The following AFF3 variants were observed in gnomAD, a reference collection of about 807,000 sequenced individuals.
AFF3 encodes the protein AF4/FMR2 family member 3.
Under a neutral mutation model 129.7 loss-of-function variants are expected in AFF3, and 32 were observed. That is an observed-to-expected ratio of 0.25 (90% CI 0.19 to 0.33). The LOEUF (loss-of-function observed/expected upper bound fraction) is 0.33, where lower values mean the gene tolerates loss of function less well. Among genes scored for constraint, AFF3 ranks in the 10% least tolerant of loss-of-function variants. The probability of loss-of-function intolerance (pLI) is 1.00; values close to 1 mark genes in which losing one functional copy is unlikely to be tolerated. For missense variants in AFF3, 1,373 were observed against 1,592.0 expected (o/e 0.86, Z 2.34); for synonymous variants, 644 against 635.4 (o/e 1.01, Z -0.20).
At chr2:99,743,800 GT>G (rs956653459) in intron 10 of AFF3, among the ~76,000 whole-genome samples, 5 of 151,986 alleles carry the variant, frequency 3.3e-5, no homozygotes, top group Non-Finnish European at 5.9e-5. Context: ...TGCCTTTTAA[GT>G]TTTTTTCTCC....
At chr2:99,966,328 T>C (rs1440803923) in intron 7 of AFF3, among the ~76,000 whole-genome samples, 1 of 152,154 alleles carries the variant, frequency 6.6e-6, no homozygotes, top group Non-Finnish European at 1.5e-5. Context: ...AAAGGGTCAT[T>C]TGTTATTCAT....
At chr2:99,555,877 G>A (rs1444993203) in intron 22 of AFF3, among the ~76,000 whole-genome samples, 1 of 152,172 alleles carries the variant, frequency 6.6e-6, no homozygotes, top group Non-Finnish European at 1.5e-5. Flanking sequence ...GGACAACACC[G>A]CAAACCATGC....
At chr2:99,832,716 A>G (rs1200092575) in intron 8 of AFF3, among the ~76,000 whole-genome samples, 1 of 152,208 alleles carries the variant, frequency 6.6e-6, no homozygotes, top group African/African-American at 2.4e-5. Context: ...AAGTCAACTA[A>G]CTTATCTTGG....
rs1248843492 is a variant in AFF3 at position 99,744,123 on chromosome 2, G to A, written c.1020C>T (p.Ser340=). ...TCTTACTTGGATTATTGTGTCCAGA[G>A]GATACAAGCTGAGAGTCCTGAAAGA... ...PFPNKDSQLV[S]SGHNNPKKGD... The change falls in exon 10 of 25, where the codon TCC becomes TCT. Residue 340 remains serine (S), a synonymous_variant. Transcript: ENST00000672756. The A allele has an allele frequency of 6.2e-7, 1 of 1,606,732 alleles. No homozygotes were observed. The highest frequency in any genetic ancestry group is 1.1e-5 in the South Asian group (1 of 89,712).
At position 99,593,861 on chromosome 2, in the gene AFF3, G is replaced by C; in HGVS notation, c.1800C>G (p.Ala600=). Residue 600 remains alanine (A), a synonymous_variant, in exon 15 of 25, where the codon GCC becomes GCG. Transcript: ENST00000672756. The part of the protein sequence containing the change: ...RTERTSAGDG[A]NCHRPEEPAA... The stretch of plus-strand genomic sequence containing the variant: ...CGGGCTCCTCGGGCCGGTGGCAGTT[G>C]GCGCCGTCCCCGGCTGAGGTCCTCT... 2 of 1,581,250 alleles carry C rather than the reference G, an allele frequency of 1.3e-6. No homozygotes were observed. Among genetic ancestry groups the C allele is most frequent in the African/African-American group, 2.7e-5 (2 of 73,576 alleles).
At chr2:99,769,805 A>G (rs969825705) in intron 8 of AFF3, among the ~76,000 whole-genome samples, 2 of 152,268 alleles carry the variant, frequency 1.3e-5, no homozygotes, top group Non-Finnish European at 2.9e-5. Context: ...AATACCAGAC[A>G]GAAACTCTTG....
chr2:99,779,443 T>C (rs951581647), intron 8 of AFF3, among the ~76,000 whole-genome samples: 5 of 152,212 alleles, frequency 3.3e-5, no homozygotes, highest in African/African-American at 1.2e-4. Flanking sequence ...AGCAGTGTGG[T>C]GTTTCACATT....
Position 99,574,445 on chromosome 2 carries a change from C to T in AFF3, c.2918+3882G>A, listed in dbSNP as rs144369599. The stretch of plus-strand genomic sequence containing the variant: ...TAGGGATTACAGGCACATGCTAACA[C>T]GCCCGGCTGATTTTTTGGTAAGTAA... On this transcript the variant is annotated intron_variant, in intron 18 of 24. Coordinates refer to ENST00000672756, the MANE Select transcript of AFF3 (RefSeq NM_001386135.1). 4.0e-3 allele frequency among the ~76,000 whole-genome samples: 607 copies of T among 152,274 alleles called. 2 individuals are homozygous for T. The highest frequency in any genetic ancestry group is 6.5e-3 in the Non-Finnish European group (443 of 68,032).
intron 7 of AFF3, among the ~76,000 whole-genome samples, chr2:99,974,470 G>A (rs934604826): frequency 1.3e-5 from 2 of 152,140 alleles, no homozygotes; most frequent in African/African-American, 2.4e-5. Context: ...CCAAACACTC[G>A]CAGACAAGAA....
chr2:100,082,766 T>C (rs931415987), intron 4 of AFF3, among the ~76,000 whole-genome samples: 6 of 152,156 alleles, frequency 3.9e-5, no homozygotes, highest in African/African-American at 1.4e-4. Context: ...CCTTGGGACA[T>C]AGTGTGATAT....
chr2:99,673,906 A>G (rs553900272), intron 11 of AFF3, among the ~76,000 whole-genome samples: 1 of 152,230 alleles, frequency 6.6e-6, no homozygotes, highest in Non-Finnish European at 1.5e-5. Flanking sequence ...CCATTTCCCT[A>G]TTTGTGCAGT....
rs772538158 is a variant in AFF3 at position 99,593,684 on chromosome 2, G to A, written c.1977C>T (p.Val659=). The A allele has an allele frequency of 8.1e-6, 13 of 1,605,368 alleles. No individual in the cohort carries two copies. In the South Asian group the frequency reaches 1.3e-4, roughly 16 times the overall value. ...KRRTRGLSRI[V]PKSKEFIETE... ...TCTCAATGAACTCCTTGGATTTGGG[G>A]ACGATCCTGCTTAGCCCCCGCGTGC... is the stretch of plus-strand genomic sequence containing the variant. The change falls in exon 15 of 25, where the codon GTC becomes GTT. Residue 659 remains valine, a synonymous_variant. Transcript: ENST00000672756.
intron 10 of AFF3, among the ~76,000 whole-genome samples, chr2:99,729,828 TTTTCATGATGGATA>T (rs1348893560): frequency 5.5e-5 from 8 of 145,528 alleles, no homozygotes; most frequent in South Asian, 2.4e-4. Context: ...GTGTCAGCTG[TTTTCATGATGGATA>T]TTTCATGATG....
At chr2:100,014,821 T>C (rs1339379828) in intron 4 of AFF3, among the ~76,000 whole-genome samples, 2 of 145,256 alleles carry the variant, frequency 1.4e-5, no homozygotes, top group Non-Finnish European at 3.0e-5. Flanking sequence ...TCTCACTCTG[T>C]TGCCCAGGCT....
intron 12 of AFF3, 40 bp from the exon 13 acceptor site, chr2:99,649,706 T>C: frequency 6.2e-7 from 1 of 1,611,904 alleles, no homozygotes; most frequent in Non-Finnish European, 8.5e-7. Context: ...TTTAATATTC[T>C]GACTTTTGAA....
intron 7 of AFF3, among the ~76,000 whole-genome samples, chr2:99,904,406 T>C (rs941809507): frequency 6.6e-6 from 1 of 150,982 alleles, no homozygotes; most frequent in Non-Finnish European, 1.5e-5. Flanking sequence ...AATTTAGAGT[T>C]CGGAAAAAAA....
intron 11 of AFF3, among the ~76,000 whole-genome samples, chr2:99,708,580 T>G (rs935941232): frequency 5.9e-5 from 9 of 152,228 alleles, no homozygotes; most frequent in Non-Finnish European, 8.8e-5. Context: ...TTAGTACTTT[T>G]GAAGGCACTG....
At chr2:99,973,452 T>C (rs1239931038) in intron 7 of AFF3, among the ~76,000 whole-genome samples, 1 of 152,200 alleles carries the variant, frequency 6.6e-6, no homozygotes, top group African/African-American at 2.4e-5. Context: ...ATTCAGAGTA[T>C]TTCCCGAACA....
chr2:99,550,795 C>T lies in AFF3; in HGVS notation c.*679G>A. ...GGGCTGTGAGTGTCCATCTGTTTGCCTGGAATGCATTTAGTTGATAATAGA... is the reference window on the plus strand; with the variant it reads ...GGGCTGTGAGTGTCCATCTGTTTGCTTGGAATGCATTTAGTTGATAATAGA... On this transcript the variant is annotated 3_prime_UTR_variant, in exon 25 of 25. Transcript: ENST00000672756. 2 of 234,068 alleles carry T rather than the reference C, an allele frequency of 8.5e-6. No homozygotes were observed. Among genetic ancestry groups the T allele is most frequent in the Non-Finnish European group, 8.4e-6 (1 of 118,656 alleles). The allele number at this position is 234,068 out of a possible 1,614,324, so 14.5% of individuals were successfully genotyped here.
Sources: allele counts gnomAD v4.1 joint callset (sites outside exome capture counted in the v4.1 genomes callset), GRCh38; gene constraint gnomAD v4.1.1; transcripts MANE v1.5; gene names NCBI Gene and HGNC (gene_info 2026-07-23, HGNC 2026-07-21).